The following TELO2 variants were observed in gnomAD, a reference collection of about 807,000 sequenced individuals.
TELO2 encodes the protein telomere maintenance 2, also known as telomere length regulation protein TEL2 homolog.
In TELO2, 71 loss-of-function variants were observed where a neutral mutation model predicts 91.0. The ratio of observed to expected loss-of-function variants is 0.78; its 90% confidence interval spans 0.64 to 0.95. TELO2 has a LOEUF of 0.95. Ranked by LOEUF, TELO2 falls within the 40% of genes least tolerant of loss-of-function variation. The probability of loss-of-function intolerance (pLI) is 0.00; values close to 1 mark genes in which losing one functional copy is unlikely to be tolerated. For synonymous variants in TELO2, 584 were observed against 518.9 expected, an observed-to-expected ratio of 1.13 and a Z score of -1.71; for missense variants, 1,183 against 1,141.3, an observed-to-expected ratio of 1.04 and a Z score of -0.53.
chr16:1,507,477 G>T, intron 19 of TELO2, 107 bp downstream of exon 19: 1 of 1,508,484 alleles, frequency 6.6e-7, no homozygotes, highest in Non-Finnish European at 9.0e-7. Context: ...AGCCTGGCCT[G>T]GTACTTCCCA....
At position 1,509,882 on chromosome 16, in the gene TELO2, C is replaced by T. The variant is rs2040071022; in HGVS notation, c.2460C>T (p.Ala820=). The change falls in exon 21 of 21, where the codon GCC becomes GCT. Residue 820 remains alanine, a synonymous_variant. Transcript: ENST00000262319. ...DEDCRTLALR[A]LLLLQRLKNR... ...ACTGCAGGACGCTGGCACTGAGGGC[C>T]CTGCTGCTTCTGCAGAGACTCAAGA... 2 of 1,612,196 alleles carry T rather than the reference C, an allele frequency of 1.2e-6. No individual in the cohort carries two copies. The highest frequency in any genetic ancestry group is 1.6e-4 in the Middle Eastern group (1 of 6,062).
chr16:1,502,551 G>T (rs1280828755), intron 13 of TELO2, 94 bp from the exon 14 acceptor site: 12 of 1,532,406 alleles, frequency 7.8e-6, no homozygotes, highest in African/African-American at 1.4e-5. Context: ...TGGGGCCTCT[G>T]CTGGGGTGGG....
chr16:1,502,086 A>T lies in TELO2; in HGVS notation c.1512A>T (p.Arg504Ser). Residue 504 changes from arginine (R) to serine (S), a missense_variant, in exon 12 of 21, where the codon AGA becomes AGT. Arg to Ser is a moderately radical substitution (Grantham distance 110). Transcript: ENST00000262319. ...EFVPYDMSGD[R>S]ELKSSKAPAY... ...TCCCCTACGACATGTCGGGGGACAG[A>T]GAGCTGAAGAGCAGCAAGGCTCCTG... The T allele has an allele frequency of 6.2e-7, 1 of 1,613,052 alleles. No homozygotes were observed. The highest frequency in any genetic ancestry group is 1.1e-5 in the South Asian group (1 of 91,078).
At chr16:1,499,200 T>G in intron 5 of TELO2, 31 bp from the exon 6 acceptor site, 1 of 1,610,784 alleles carries the variant, frequency 6.2e-7, no homozygotes, top group Non-Finnish European at 8.5e-7. Flanking sequence ...CAGGCCGGCT[T>G]GCAGCTCTGG....
Position 1,505,391 on chromosome 16 carries a change from T to C in TELO2, c.1843-19T>C. 6.2e-7 allele frequency: 1 copy of C among 1,602,044 alleles called. No homozygotes were observed. Among genetic ancestry groups the C allele is most frequent in the Non-Finnish European group, 8.5e-7 (1 of 1,171,696 alleles). ...TTCCCTGGAGCAGTGGCGACGGCCCTGGGCCTGTCTCCCTCCAGGTGCTGA... is the reference window on the plus strand; with the variant it reads ...TTCCCTGGAGCAGTGGCGACGGCCCCGGGCCTGTCTCCCTCCAGGTGCTGA... On this transcript the variant is annotated intron_variant, in intron 15 of 20. Coordinates refer to ENST00000262319, the MANE Select transcript of TELO2 (RefSeq NM_016111.4). The surrounding 1 kb of genome is among the most constrained non-coding windows in gnomAD (Gnocchi z 4.3).
intron 5 of TELO2, 146 bp from the exon 6 acceptor site, chr16:1,499,085 C>T (rs974714586): frequency 5.4e-6 from 4 of 741,554 alleles, no homozygotes; most frequent in African/African-American, 3.5e-5. Context: ...CCAGCTCAGG[C>T]AGTCGGAGGA....
rs1240177647 is a variant in TELO2 at position 1,493,821 on chromosome 16, T to A, written c.-37+216T>A. Among the ~76,000 whole-genome samples the A allele has an allele frequency of 6.6e-6, 1 of 152,164 alleles. No homozygotes were observed. Among genetic ancestry groups the A allele is most frequent in the Non-Finnish European group, 1.5e-5 (1 of 68,026 alleles). On this transcript the variant is annotated intron_variant, in intron 1 of 20. Transcript: ENST00000262319. The surrounding 1 kb of genome is among the most constrained non-coding windows in gnomAD (Gnocchi z 4.3). ...TGTTGGTTTCTAAGGGGCGGAGGAA[T>A]GGCGACTGGAGCCACCTCTCACCGC... is the stretch of plus-strand genomic sequence containing the variant.
chr16:1,494,952 G>A lies in TELO2; in HGVS notation c.335+336G>A, dbSNP rs1410320028. The stretch of plus-strand genomic sequence containing the variant: ...AGCACAGCTGTCATCACTGACACGT[G>A]TCCCATGTGGACTCCCAGCCCCAGC... On this transcript the variant is annotated intron_variant, in intron 2 of 20. Transcript: ENST00000262319. This position sits in a 1 kb window ranked among gnomAD's most constrained non-coding sequence, Gnocchi z 5.6. Among the ~76,000 whole-genome samples, 1 of 152,178 alleles carries A rather than the reference G, an allele frequency of 6.6e-6. No homozygotes were observed. The highest frequency in any genetic ancestry group is 1.9e-4 in the East Asian group (1 of 5,182).
chr16:1,508,273 C>T (rs1359964618), intron 20 of TELO2, among the ~76,000 whole-genome samples: 1 of 152,220 alleles, frequency 6.6e-6, no homozygotes, highest in East Asian at 1.9e-4. Flanking sequence ...GCTGGGATTA[C>T]AGGTGCCCAC....
rs936506954 is a variant in TELO2, at chr16:1,501,415, T to C, written c.1282-5T>C. 1.9e-6 allele frequency: 3 copies of C among 1,612,116 alleles called. No homozygotes were observed. In the African/African-American group the frequency reaches 4.0e-5, roughly 22 times the overall value. ...GATGCCGCTGAGCCTGCTCCCCTGC[T>C]GTAGTACGAAGAGGATGAACTGAGC... On this transcript the variant is annotated splice_region_variant and splice_polypyrimidine_tract_variant and intron_variant, in intron 9 of 20. Coordinates refer to ENST00000262319, the MANE Select transcript of TELO2 (RefSeq NM_016111.4).
intron 20 of TELO2, among the ~76,000 whole-genome samples, chr16:1,508,903 C>A (rs541162615): frequency 4.5e-4 from 68 of 152,294 alleles, no homozygotes; most frequent in African/African-American, 1.6e-3. Flanking sequence ...GGGCCCAAAG[C>A]GTGGGGAGTG....
Position 1,502,348 on chromosome 16 carries a change from G to A in TELO2, c.1597G>A (p.Ala533Thr). ...GTCTGAGGACATAGAGCGCTGGGAG[G>A]CAGCCCTGCGGGCCCTTGAGGGCCT... ...TTSEDIERWE[A>T]ALRALEGLVY... Residue 533 changes from alanine (A) to threonine (T), a missense_variant, in exon 13 of 21, where the codon GCA becomes ACA. Transcript: ENST00000262319. The A allele has an allele frequency of 6.2e-7, 1 of 1,607,216 alleles. No homozygotes were observed. The highest frequency in any genetic ancestry group is 8.5e-7 in the Non-Finnish European group (1 of 1,178,392).
At chr16:1,499,354 GCA>G (rs937115852) in intron 6 of TELO2, 21 bp downstream of exon 6, 1 of 1,612,200 alleles carries the variant, frequency 6.2e-7, no homozygotes, top group African/African-American at 1.3e-5. Context: ...CACGGAGGGT[GCA>G]GGCTGCTGGC....
At chr16:1,500,263 CGGAGCTCCCTCAGAGTGGCTGT>C in intron 7 of TELO2, 62 bp from the exon 8 acceptor site, 2 of 1,529,306 alleles carry the variant, frequency 1.3e-6, no homozygotes, top group East Asian at 2.4e-5. Flanking sequence ...TGGGCTGGGG[CGGAGCTCCCTCAGAGTGGCTGT>C]GGGCCTGGCG....
At chr16:1,509,478 G>A (rs1255425050) in intron 20 of TELO2, among the ~76,000 whole-genome samples, 6 of 152,202 alleles carry the variant, frequency 3.9e-5, no homozygotes, top group Non-Finnish European at 7.4e-5. Flanking sequence ...CCCACCACCC[G>A]GATTCCTACG....
chr16:1,509,926 C>T lies in TELO2; in HGVS notation c.2504C>T (p.Ala835Val), dbSNP rs375348828. The change falls in exon 21 of 21, where the codon GCG becomes GTG. Residue 835 changes from alanine (A) to valine (V), a missense_variant. Coordinates refer to ENST00000262319, the MANE Select transcript of TELO2 (RefSeq NM_016111.4). ...QRLKNRLLPPASP is the reference protein window; with the variant it reads ...QRLKNRLLPPVSP Reference sequence around the variant, plus strand: ...CTCAAGAACAGGCTCCTCCCACCCGCGTCTCCCTAGTCCCTGGAGGCCTCC... The same window carrying T: ...CTCAAGAACAGGCTCCTCCCACCCGTGTCTCCCTAGTCCCTGGAGGCCTCC... 166 of 1,596,896 alleles carry T rather than the reference C, an allele frequency of 1.0e-4. No homozygotes were observed. Among genetic ancestry groups the T allele is most frequent in the Non-Finnish European group, 1.2e-4 (146 of 1,172,438 alleles).
In TELO2 at chr16:1,494,534, G is replaced by A; in HGVS notation, c.253G>A (p.Glu85Lys). 2 of 1,613,392 alleles carry A rather than the reference G, an allele frequency of 1.2e-6. No homozygotes were observed. The highest frequency in any genetic ancestry group is 1.3e-5 in the African/African-American group (1 of 75,046). Residue 85 changes from glutamate (E) to lysine (K), a missense_variant, in exon 2 of 21, where the codon GAG (glutamate) becomes AAG (lysine). Transcript: ENST00000262319. The surrounding 1 kb of genome is among the most constrained non-coding windows in gnomAD (Gnocchi z 5.6). ...GCTGCTGCCCCATGGCCGCCTGGAG[G>A]AGCTGTGGGCCAGCTTCTTCCTGGA... is the stretch of plus-strand genomic sequence containing the variant. ...LELLPHGRLE[E>K]LWASFFLEGP... is the part of the protein sequence containing the mutation.
chr16:1,504,334 T>A (rs1172573208), intron 15 of TELO2, among the ~76,000 whole-genome samples: 7 of 141,452 alleles, frequency 4.9e-5, no homozygotes. Context: ...CGTGGGAGGC[T>A]GAGGCAGGAG....
intron 15 of TELO2, 36 bp downstream of exon 15, chr16:1,503,038 G>T: frequency 1.2e-6 from 2 of 1,604,452 alleles, no homozygotes; most frequent in South Asian, 1.1e-5. Context: ...CCCTGGTCTG[G>T]CCCAAGCTGC....
Sources: gnomAD v4.1 joint callset for allele counts (sites outside exome capture counted in the v4.1 genomes callset) on GRCh38, gnomAD v4.1.1 for gene constraint, Gnocchi (gnomAD v3.1) non-coding constraint, MANE v1.5 for transcripts, NCBI Gene and HGNC (gene_info 2026-07-23, HGNC 2026-07-21) for gene names.